Variants in NDUFA10 observed in about 807,000 individuals in gnomAD.
NDUFA10 encodes the protein NADH:ubiquinone oxidoreductase subunit A10.
Under a neutral mutation model 47.8 loss-of-function variants are expected in NDUFA10, and 40 were observed. The ratio of observed to expected loss-of-function variants is 0.84; its 90% CI spans 0.65 to 1.09. The LOEUF (loss-of-function observed/expected upper bound fraction) is 1.09. Ranked by LOEUF, NDUFA10 falls within the 50% of genes least tolerant of loss-of-function variation. The pLI is 0.00. For missense variants in NDUFA10, 413 were observed against 451.1 expected (o/e 0.92, Z 0.76); for synonymous variants, 183 against 172.2 (o/e 1.06, Z -0.49).
chr2:239,955,482 G>GAT (rs1280523558), downstream of NDUFA10, among the ~76,000 whole-genome samples: 1 of 152,188 alleles, frequency 6.6e-6, no homozygotes, highest in Non-Finnish European at 1.5e-5. Flanking sequence ...TTCAGGAGCT[G>GAT]ATGCAGAATG....
intron 4 of NDUFA10, among the ~76,000 whole-genome samples, chr2:239,913,558 A>C (rs1192867678): frequency 6.6e-6 from 1 of 152,124 alleles, no homozygotes; most frequent in Middle Eastern, 3.2e-3. Context: ...GTCTGCTACC[A>C]CTGCAGACAT....
intron 4 of NDUFA10, among the ~76,000 whole-genome samples, chr2:240,017,020 G>T (rs917215984): frequency 6.3e-4 from 96 of 152,158 alleles, no homozygotes; most frequent in African/African-American, 2.1e-3. Context: ...TGTCCCTCCT[G>T]AGCGGCAACT....
In NDUFA10 at chr2:239,987,808, A is replaced by T. The variant is rs1696063224; in HGVS notation, c.999+2266T>A. Reference sequence around the variant, plus strand: ...GCCTGTGGGACTAACACGTATGGAGAATTAAGACGACCGAGATCATGCAAA... The same window carrying T: ...GCCTGTGGGACTAACACGTATGGAGTATTAAGACGACCGAGATCATGCAAA... On this transcript the variant is annotated intron_variant, in intron 9 of 9. Coordinates refer to ENST00000252711, the MANE Select transcript of NDUFA10 (RefSeq NM_004544.4). The surrounding 1 kb of genome is among the most constrained non-coding windows in gnomAD (Gnocchi z 4.8). 6.6e-6 allele frequency among the ~76,000 whole-genome samples: 1 copy of T among 152,208 alleles called. No homozygotes were observed.
At position 239,905,570 on chromosome 2, in the gene NDUFA10, T is replaced by C. The variant is rs148167153; in HGVS notation, c.295-10256A>G. Reference sequence around the variant, plus strand: ...GCTGATTGACATGTTCTTCACGGGATGCTGCCGCGTCGGGGGGTTTACGCA... The same window carrying C: ...GCTGATTGACATGTTCTTCACGGGACGCTGCCGCGTCGGGGGGTTTACGCA... On this transcript the variant is annotated intron_variant, in intron 4 of 5. Transcript: ENST00000419408. Among the ~76,000 whole-genome samples the C allele has an allele frequency of 3.2e-3, 484 of 152,318 alleles. 9 individuals are homozygous for C. The East Asian group carries it at 0.04, about 12-fold the overall frequency.
At chr2:240,024,924 C>T (rs1697791785) in intron 1 of NDUFA10, among the ~76,000 whole-genome samples, 3 of 152,350 alleles carry the variant, frequency 2.0e-5, no homozygotes, top group South Asian at 4.1e-4. Context: ...GCGCGTGTGC[C>T]CCCGGCCTGC....
At position 240,005,304 on chromosome 2, in the gene NDUFA10, G is replaced by A. The variant is rs775294758; in HGVS notation, c.805-9C>T. On this transcript the variant is annotated splice_polypyrimidine_tract_variant and intron_variant, in intron 7 of 9. Coordinates refer to ENST00000252711, the MANE Select transcript of NDUFA10 (RefSeq NM_004544.4). ...TCAATGTCCTCTACCACCTAAGACA[G>A]GAAAAATTCCAATTTAAACAGAGAA... The A allele has an allele frequency of 6.8e-6, 11 of 1,610,416 alleles. No homozygotes were observed. In the Admixed American group the frequency reaches 1.3e-4, roughly 20 times the overall value.
intron 9 of NDUFA10, among the ~76,000 whole-genome samples, chr2:239,963,042 T>C (rs1485656189): frequency 6.6e-6 from 1 of 151,968 alleles, no homozygotes; most frequent in South Asian, 2.1e-4. Context: ...TCAATGCCCA[T>C]CTAAAGGCGG....
intron 9 of NDUFA10, among the ~76,000 whole-genome samples, chr2:239,963,246 C>G (rs555166471): frequency 6.6e-6 from 1 of 152,300 alleles, no homozygotes; most frequent in East Asian, 1.9e-4. Context: ...GCCAAGACAG[C>G]CCAGGGGGTT....
At position 240,017,252 on chromosome 2, in the gene NDUFA10, G is replaced by A. The variant is rs558339877; in HGVS notation, c.547+1301C>T. Among the ~76,000 whole-genome samples, 6 of 152,234 alleles carry A rather than the reference G, an allele frequency of 3.9e-5. No individual in the cohort carries two copies. In the South Asian group the frequency reaches 8.3e-4, roughly 21 times the overall value. ...AGAAGCCAAGCATCCTCGCCGAGGC[G>A]CAGCTCCTTCCTCGTGCAGCCTCAT... is the stretch of plus-strand genomic sequence containing the variant. On this transcript the variant is annotated intron_variant, in intron 4 of 9. Transcript: ENST00000252711.
chr2:239,968,402 A>G (rs1695171616), intron 9 of NDUFA10, among the ~76,000 whole-genome samples: 1 of 152,246 alleles, frequency 6.6e-6, no homozygotes, highest in African/African-American at 2.4e-5. Context: ...AATACACTTC[A>G]GACTTCAGTT....
At chr2:239,967,710 G>A (rs1453095797) in intron 9 of NDUFA10, among the ~76,000 whole-genome samples, 2 of 152,198 alleles carry the variant, frequency 1.3e-5, no homozygotes, top group East Asian at 1.9e-4. Flanking sequence ...TCCAGGTGAG[G>A]TCGCAGAGGC....
At chr2:240,005,137 C>A in intron 8 of NDUFA10, 73 bp downstream of exon 8, 1 of 1,345,216 alleles carries the variant, frequency 7.4e-7, no homozygotes, top group Non-Finnish European at 1.1e-6. Flanking sequence ...ATAATTATTT[C>A]AAACTTCCCT....
At chr2:239,939,592 G>A (rs1411740974) in intron 4 of NDUFA10, among the ~76,000 whole-genome samples, 1 of 152,270 alleles carries the variant, frequency 6.6e-6, no homozygotes. Flanking sequence ...TTTGACCCAT[G>A]CAGAATATTC....
Position 240,016,077 on chromosome 2 carries a change from G to T in NDUFA10, c.548-1217C>A, listed in dbSNP as rs1386715719. ...TTTAAAAATTAAATTAAAAAAAAAA[G>T]TTCCAGTGAGCATTCCTAGTAACCT... On this transcript the variant is annotated intron_variant, in intron 4 of 9. Coordinates refer to ENST00000252711, the MANE Select transcript of NDUFA10 (RefSeq NM_004544.4). This position sits in a 1 kb window ranked among gnomAD's most constrained non-coding sequence, Gnocchi z 4.4. Among the ~76,000 whole-genome samples the T allele has an allele frequency of 1.3e-5, 2 of 151,864 alleles. No homozygotes were observed. The highest frequency in any genetic ancestry group is 1.3e-4 in the Admixed American group (2 of 15,246).
rs527577932 is a variant in NDUFA10, at chr2:240,007,998, C to G, written c.750-628G>C. On this transcript the variant is annotated intron_variant, in intron 6 of 9. Transcript: ENST00000252711. ...AATGTACAAGCTATTTATTCTCATA[C>G]TGAAATCAGCATCTGACCCCTACAA... Among the ~76,000 whole-genome samples, 55 of 152,332 alleles carry G rather than the reference C, an allele frequency of 3.6e-4. 1 individual carries two copies. Among genetic ancestry groups the G allele is most frequent in the African/African-American group, 1.2e-3 (50 of 41,580 alleles).
chr2:239,915,462 ACATACATACACACACACAG>A (rs1693847506), intron 4 of NDUFA10, among the ~76,000 whole-genome samples: 1 of 147,234 alleles, frequency 6.8e-6, no homozygotes, highest in Non-Finnish European at 1.5e-5. Context: ...ACAGAGATAC[ACATACATACACACACACAG>A]AACACACACA....
intron 9 of NDUFA10, among the ~76,000 whole-genome samples, chr2:239,989,638 C>T (rs1343227925): frequency 1.3e-5 from 2 of 152,276 alleles, no homozygotes; most frequent in Non-Finnish European, 2.9e-5. Flanking sequence ...CCCCTACCAA[C>T]TTCCACCCTC....
At chr2:239,942,824 G>A (rs1193931472) in intron 4 of NDUFA10, among the ~76,000 whole-genome samples, 1 of 152,110 alleles carries the variant, frequency 6.6e-6, no homozygotes, top group African/African-American at 2.4e-5. Context: ...CACAGCACTG[G>A]AGGGGTTTTA....
chr2:239,912,330 C>T (rs1426442792), intron 4 of NDUFA10, among the ~76,000 whole-genome samples: 1 of 152,170 alleles, frequency 6.6e-6, no homozygotes, highest in Non-Finnish European at 1.5e-5. Flanking sequence ...GAAGCGGATT[C>T]GTGGGGCCGA....
Sources: allele counts gnomAD v4.1 joint callset (sites outside exome capture counted in the v4.1 genomes callset), GRCh38; gene constraint gnomAD v4.1.1; non-coding constraint Gnocchi (gnomAD v3.1); transcripts MANE v1.5; gene names NCBI Gene and HGNC (gene_info 2026-07-23, HGNC 2026-07-21).